UNC13B: variants seen among roughly 807,000 people sequenced by gnomAD.
The protein encoded by UNC13B is protein unc-13 homolog B.
In UNC13B, 144 loss-of-function variants were observed where a neutral mutation model predicts 211.0. That is an observed-to-expected ratio of 0.68 (90% CI 0.60 to 0.78). The LOEUF (loss-of-function observed/expected upper bound fraction) is 0.78. Among genes scored for constraint, UNC13B ranks in the 30% least tolerant of loss-of-function variants. UNC13B has a pLI of 0.00. For synonymous variants in UNC13B, 709 were observed against 725.8 expected, an observed-to-expected ratio of 0.98 and a Z score of 0.37; for missense variants, 1,777 against 2,002.0, an observed-to-expected ratio of 0.89 and a Z score of 2.14.
intron 24 of UNC13B, 110 bp downstream of exon 24, chr9:35,386,403 C>G: frequency 6.9e-7 from 1 of 1,443,438 alleles, no homozygotes; most frequent in East Asian, 2.3e-5. Context: ...TTGATGTTCT[C>G]AAGGGTGAGT....
intron 11 of UNC13B, among the ~76,000 whole-genome samples, chr9:35,332,443 C>T (rs1172905993): frequency 6.6e-6 from 1 of 152,088 alleles, no homozygotes; most frequent in Admixed American, 6.5e-5. Flanking sequence ...TACTAGTCAC[C>T]CACTCAAAAT....
In UNC13B at chr9:35,307,883, G is replaced by A. The variant is rs1830003511; in HGVS notation, c.8479G>A (p.Val2827Ile). The A allele has an allele frequency of 7.5e-6, 3 of 398,838 alleles. No individual in the cohort carries two copies. Among genetic ancestry groups the A allele is most frequent in the Non-Finnish European group, 1.3e-5 (3 of 226,086 alleles). The allele number at this position is 398,838 out of a possible 1,614,324, so 24.7% of individuals were successfully genotyped here. A position where few individuals can be genotyped will look rare whatever the true frequency, so the allele number is the denominator to read the frequency against. ...GGGAAGTAGTGAGGGGAAAGGGAGT[G>A]TATTAGCAAGTGATTCAAAACTAGG... ...FEGSSEGKGS[V>I]LASDSKLGFG... The change falls in exon 9 of 40, where the codon GTA becomes ATA. Residue 2827 changes from valine to isoleucine, a missense_variant. Val to Ile is a conservative substitution (Grantham distance 29). Transcript: ENST00000635942.
chr9:35,304,906 C>A lies in UNC13B; in HGVS notation c.5502C>A (p.Ile1834=), dbSNP rs1829854135. 2.3e-5 allele frequency: 9 copies of A among 398,648 alleles called. No individual in the cohort carries two copies. The highest frequency in any genetic ancestry group is 1.3e-4 in the South Asian group (1 of 7,832). 24.7% of individuals were successfully genotyped at this position (398,648 alleles called of 1,614,324 possible). Residue 1834 remains isoleucine (I), a synonymous_variant, in exon 9 of 40, where the codon ATC becomes ATA. Coordinates refer to ENST00000635942, the MANE Select transcript of UNC13B (RefSeq NM_001371189.2). Reference sequence around the variant, plus strand: ...CCAATGTTCAGCATCCAGAATTGATCAAAAATATAAGGCAAGAATTCTCTT... The same window carrying A: ...CCAATGTTCAGCATCCAGAATTGATAAAAAATATAAGGCAAGAATTCTCTT... ...IVSNVQHPEL[I]KNIRQEFSLN... is the part of the protein sequence containing the mutation.
At chr9:35,232,533 A>G (rs1357815423) in intron 3 of UNC13B, among the ~76,000 whole-genome samples, 4 of 152,114 alleles carry the variant, frequency 2.6e-5, no homozygotes, top group Middle Eastern at 6.8e-3. Flanking sequence ...CAAAGATTAT[A>G]AGGTTTTGGG....
At chr9:35,237,352 A>G (rs1200319519) in intron 4 of UNC13B, among the ~76,000 whole-genome samples, 1 of 152,282 alleles carries the variant, frequency 6.6e-6, no homozygotes, top group East Asian at 1.9e-4. Context: ...CTATTTAGCC[A>G]GCAATGTTAG....
intron 13 of UNC13B, among the ~76,000 whole-genome samples, chr9:35,371,227 T>C (rs949692381): frequency 3.9e-5 from 6 of 152,150 alleles, no homozygotes; most frequent in Non-Finnish European, 8.8e-5. Context: ...GCTCCACTAG[T>C]TTCTCCCTCC....
At chr9:35,175,766 C>T (rs1483703398) in intron 1 of UNC13B, among the ~76,000 whole-genome samples, 1 of 151,678 alleles carries the variant, frequency 6.6e-6, no homozygotes, top group Non-Finnish European at 1.5e-5. Context: ...CCTGTAATCC[C>T]AGCACTTTGG....
intron 1 of UNC13B, among the ~76,000 whole-genome samples, chr9:35,167,756 T>G (rs1821119461): frequency 1.3e-5 from 1 of 79,954 alleles, no homozygotes; most frequent in Non-Finnish European, 3.4e-5. Context: ...CCTGGCTAAT[T>G]TTTTTTTTTT....
At chr9:35,365,135 T>C (rs1237616551) in intron 11 of UNC13B, among the ~76,000 whole-genome samples, 1 of 152,194 alleles carries the variant, frequency 6.6e-6, no homozygotes, top group Non-Finnish European at 1.5e-5. Context: ...CCCCAAACCA[T>C]GTGAATGCAT....
chr9:35,179,581 A>T (rs1821822908), intron 1 of UNC13B, among the ~76,000 whole-genome samples: 1 of 152,154 alleles, frequency 6.6e-6, no homozygotes. Context: ...GCTTGAGCAC[A>T]GGATTTTGAG....
chr9:35,299,843 A>G (rs1042972962), intron 8 of UNC13B, among the ~76,000 whole-genome samples: 1 of 151,866 alleles, frequency 6.6e-6, no homozygotes. Context: ...TGTTCCTCCA[A>G]TTTTATCCCT....
chr9:35,397,335 T>G, intron 29 of UNC13B, 25 bp downstream of exon 29: 1 of 1,608,994 alleles, frequency 6.2e-7, no homozygotes, highest in African/African-American at 1.3e-5. Flanking sequence ...TCCTACTCCC[T>G]CCCCCTTACC....
chr9:35,385,773 C>T lies in UNC13B; in HGVS notation c.10925C>T (p.Thr3642Ile). ...SPERLQDLKSTVDLLTSITFF... is the reference protein window; with the variant it reads ...SPERLQDLKSIVDLLTSITFF... ...GAACGGCTTCAGGACTTAAAATCCA[C>T]AGTGGATTTGCTGACCAGCATTACT... Residue 3642 changes from threonine (T) to isoleucine (I), a missense_variant, in exon 23 of 40, where the codon ACA (threonine) becomes ATA (isoleucine). Thr to Ile is a moderately conservative substitution (Grantham distance 89, BLOSUM62 -1). Coordinates refer to ENST00000635942, the MANE Select transcript of UNC13B (RefSeq NM_001371189.2). 6.2e-7 allele frequency: 1 copy of T among 1,610,600 alleles called. No homozygotes were observed. Among genetic ancestry groups the T allele is most frequent in the Non-Finnish European group, 8.5e-7 (1 of 1,177,084 alleles).
At chr9:35,385,314 C>T (rs1479421642) in intron 22 of UNC13B, 1 of 985,310 alleles carries the variant, frequency 1.0e-6, no homozygotes, top group African/African-American at 1.7e-5. Context: ...TCAGTTTGGT[C>T]TGTAGTGTGG....
intron 28 of UNC13B, 83 bp from the exon 29 acceptor site, chr9:35,397,084 G>A (rs1835932918): frequency 5.6e-6 from 9 of 1,602,878 alleles, no homozygotes; most frequent in Non-Finnish European, 6.8e-6. Context: ...AGCCACTCTT[G>A]CTGGTCAGAG....
chr9:35,326,263 A>G (rs1287739915), intron 11 of UNC13B, among the ~76,000 whole-genome samples: 1 of 152,086 alleles, frequency 6.6e-6, no homozygotes, highest in Non-Finnish European at 1.5e-5. Context: ...CCATTTTTAT[A>G]TCTTCTTTGG....
chr9:35,357,584 T>G (rs1012896584), intron 11 of UNC13B, among the ~76,000 whole-genome samples: 1 of 151,378 alleles, frequency 6.6e-6, no homozygotes, highest in South Asian at 2.1e-4. Context: ...TATTGTTTTT[T>G]TTTTTTTTTT....
chr9:35,181,564 C>T (rs569184181), intron 1 of UNC13B, among the ~76,000 whole-genome samples: 10 of 152,240 alleles, frequency 6.6e-5, no homozygotes, highest in Non-Finnish European at 8.8e-5. Flanking sequence ...TGGCCAGGTG[C>T]GGTGGCTCAT....
rs1829749024 is a variant in UNC13B, at chr9:35,302,769, A to G, written c.3365A>G (p.Lys1122Arg). ...TTAGAGTGTATTTCTACCACTTCCA[A>G]ATCCACTTTGGTTAATGAAATTAAT... ...SSLECISTTS[K>R]STLVNEINED... The change falls in exon 9 of 40, where the codon AAA (lysine) becomes AGA (arginine). Residue 1122 changes from lysine to arginine, a missense_variant. Physicochemically the swap from Lys to Arg is conservative, Grantham distance 26. Transcript: ENST00000635942. The G allele has an allele frequency of 2.5e-6, 1 of 398,510 alleles. No individual in the cohort carries two copies. The highest frequency in any genetic ancestry group is 1.3e-4 in the South Asian group (1 of 7,854). 24.7% of individuals were successfully genotyped at this position (398,510 alleles called of 1,614,324 possible). A position where few individuals can be genotyped will look rare whatever the true frequency, so the allele number is the denominator to read the frequency against.
Sources: allele counts gnomAD v4.1 joint callset (sites outside exome capture counted in the v4.1 genomes callset), GRCh38; gene constraint gnomAD v4.1.1; transcripts MANE v1.5; gene names NCBI Gene and HGNC (gene_info 2026-07-23, HGNC 2026-07-21).